TRDN: variants seen among roughly 807,000 people sequenced by gnomAD.
TRDN encodes triadin.
In TRDN, 161 loss-of-function variants were observed where a neutral mutation model predicts 149.7. That is an observed-to-expected ratio of 1.08 (90% CI 0.95 to 1.23). The LOEUF (loss-of-function observed/expected upper bound fraction) is 1.23, where lower values mean the gene tolerates loss of function less well. Ranked by LOEUF, TRDN falls within the 50% of genes most tolerant of loss-of-function variation. TRDN has a pLI of 0.00. For missense variants in TRDN, 896 were observed against 823.5 expected, an observed-to-expected ratio of 1.09 and a Z score of -1.08; for synonymous variants, 294 against 250.5, an observed-to-expected ratio of 1.17 and a Z score of -1.64.
intron 9 of TRDN, among the ~76,000 whole-genome samples, chr6:123,467,086 C>A (rs541200046): frequency 6.6e-6 from 1 of 151,768 alleles, no homozygotes; most frequent in South Asian, 2.1e-4. Context: ...ATACCAGCAC[C>A]AAAGAATTAT....
At chr6:123,352,207 T>C (rs879898603) in intron 21 of TRDN, 1 of 985,070 alleles carries the variant, frequency 1.0e-6, no homozygotes, top group Non-Finnish European at 1.2e-6. Flanking sequence ...TAAGGTGGTG[T>C]TAAAACCACA....
chr6:123,556,071 G>A (rs1366134311), intron 2 of TRDN, among the ~76,000 whole-genome samples: 2 of 152,116 alleles, frequency 1.3e-5, no homozygotes, highest in African/African-American at 4.8e-5. Flanking sequence ...ATTTCAGACT[G>A]AGTAATCAGA....
At chr6:123,297,660 A>C (rs1429485051) in intron 24 of TRDN, among the ~76,000 whole-genome samples, 3 of 152,092 alleles carry the variant, frequency 2.0e-5, no homozygotes, top group Non-Finnish European at 2.9e-5. Flanking sequence ...TCATAGCCAC[A>C]GAAATAAGAT....
At chr6:123,452,498 T>C (rs1422697432) in intron 10 of TRDN, among the ~76,000 whole-genome samples, 1 of 17,962 alleles carries the variant, frequency 5.6e-5, no homozygotes, top group Admixed American at 6.9e-4. Flanking sequence ...CCTTTTACAA[T>C]AGTTGCAAAA....
intron 35 of TRDN, among the ~76,000 whole-genome samples, chr6:123,257,378 C>A (rs150133243): frequency 6.6e-6 from 1 of 152,202 alleles, no homozygotes; most frequent in Non-Finnish European, 1.5e-5. Flanking sequence ...TTTCCCAACA[C>A]CATTTATTAA....
At position 123,534,558 on chromosome 6, in the gene TRDN, G is replaced by T. The variant is rs551090094; in HGVS notation, c.425-3993C>A. Among the ~76,000 whole-genome samples, 44 of 152,228 alleles carry T rather than the reference G, an allele frequency of 2.9e-4. No individual in the cohort carries two copies. The East Asian group carries it at 8.3e-3, about 29-fold the overall frequency. On this transcript the variant is annotated intron_variant, in intron 4 of 40. Coordinates refer to ENST00000334268, the MANE Select transcript of TRDN (RefSeq NM_006073.4). ...TAACATGTTACTAATTTAGACTTTGGAAAGGTATTTTTCTCATAGGGAGGC... is the reference window on the plus strand; with the variant it reads ...TAACATGTTACTAATTTAGACTTTGTAAAGGTATTTTTCTCATAGGGAGGC...
intron 2 of TRDN, among the ~76,000 whole-genome samples, chr6:123,558,184 T>TC (rs1297162335): frequency 6.6e-6 from 1 of 151,910 alleles, no homozygotes; most frequent in Non-Finnish European, 1.5e-5. Flanking sequence ...CTTCCTTCTT[T>TC]CCCTCCCGCC....
chr6:123,630,578 A>G (rs1785936527), intron 1 of TRDN, among the ~76,000 whole-genome samples: 1 of 149,446 alleles, frequency 6.7e-6, no homozygotes, highest in South Asian at 2.1e-4. Context: ...TACAGTCATA[A>G]TGATAACCAA....
chr6:123,540,428 A>G (rs936826737), intron 4 of TRDN, among the ~76,000 whole-genome samples: 2 of 151,922 alleles, frequency 1.3e-5, no homozygotes, highest in African/African-American at 4.9e-5. Flanking sequence ...AGGATTTACT[A>G]ATAACATGAT....
chr6:123,247,926 G>A (rs1402931684), intron 38 of TRDN, among the ~76,000 whole-genome samples: 2 of 151,986 alleles, frequency 1.3e-5, no homozygotes, highest in East Asian at 1.9e-4. Flanking sequence ...ACAGAACAAA[G>A]GCCACAGAAA....
Position 123,571,029 on chromosome 6 carries a change from C to T in TRDN, c.126G>A (p.Thr42=), listed in dbSNP as rs774324909. 20 of 1,613,858 alleles carry T rather than the reference C, an allele frequency of 1.2e-5. No individual in the cohort carries two copies. In the Admixed American group the frequency reaches 1.3e-4, roughly 11 times the overall value. Residue 42 remains threonine (T), a synonymous_variant, in exon 2 of 41, where the codon ACG becomes ACA. Coordinates refer to ENST00000334268, the MANE Select transcript of TRDN (RefSeq NM_006073.4). ...LKRTVTEDIV[T]TFSSPAAWLL... ...GCCAGGCTGCAGGGGAGCTGAACGT[C>T]GTCACTATGTCTTCTGTGACTGTCC...
intron 37 of TRDN, 91 bp from the exon 38 acceptor site, chr6:123,252,526 T>A: frequency 3.0e-6 from 2 of 662,082 alleles, no homozygotes; most frequent in East Asian, 5.8e-5. Flanking sequence ...ATCTAATTAT[T>A]TTGTTTCTTG....
At chr6:123,459,680 C>A (rs554270068) in intron 10 of TRDN, among the ~76,000 whole-genome samples, 1 of 152,238 alleles carries the variant, frequency 6.6e-6, no homozygotes, top group South Asian at 2.1e-4. Context: ...CCCAGCAAGC[C>A]CCAAATGTAA....
intron 24 of TRDN, among the ~76,000 whole-genome samples, chr6:123,290,929 G>C (rs372165784): frequency 6.6e-6 from 1 of 152,110 alleles, no homozygotes; most frequent in South Asian, 2.1e-4. Flanking sequence ...GGCTGAGGCA[G>C]GCAGATCACT....
At chr6:123,433,469 G>C (rs1435742564) in intron 12 of TRDN, among the ~76,000 whole-genome samples, 33 of 151,754 alleles carry the variant, frequency 2.2e-4, no homozygotes, top group Admixed American at 2.2e-3. Flanking sequence ...TGTGTACTCA[G>C]CACCTAGTAC....
At chr6:123,508,209 C>T (rs1410707563) in intron 7 of TRDN, among the ~76,000 whole-genome samples, 1 of 152,086 alleles carries the variant, frequency 6.6e-6, no homozygotes, top group Non-Finnish European at 1.5e-5. Context: ...TATTATTTTA[C>T]ATTTGAAAAA....
chr6:123,402,958 C>T (rs776243211), intron 12 of TRDN, among the ~76,000 whole-genome samples: 7 of 151,892 alleles, frequency 4.6e-5, no homozygotes, highest in African/African-American at 1.5e-4. Flanking sequence ...AAGTTTGAAG[C>T]GATGGTACAA....
intron 38 of TRDN, among the ~76,000 whole-genome samples, chr6:123,238,941 A>G (rs1775887382): frequency 6.6e-6 from 1 of 152,082 alleles, no homozygotes; most frequent in Non-Finnish European, 1.5e-5. Context: ...CCTGGGTTCA[A>G]GCGATTCTCC....
At chr6:123,515,683 G>A (rs117083107) in intron 6 of TRDN, among the ~76,000 whole-genome samples, 11 of 152,136 alleles carry the variant, frequency 7.2e-5, no homozygotes, top group African/African-American at 2.4e-4. Context: ...CTGGGAGCAA[G>A]GTGAGAGGAA....
Sources: gnomAD v4.1 joint callset for allele counts (sites outside exome capture counted in the v4.1 genomes callset) on GRCh38, gnomAD v4.1.1 for gene constraint, MANE v1.5 for transcripts, NCBI Gene and HGNC (gene_info 2026-07-23, HGNC 2026-07-21) for gene names.